NPY5R: variants seen among roughly 807,000 people sequenced by gnomAD.
NPY5R encodes neuropeptide Y receptor type 5.
Under a neutral mutation model 24.8 loss-of-function variants are expected in NPY5R, and 21 were observed. That is an observed-to-expected ratio of 0.85 (90% CI 0.60 to 1.22). The LOEUF (loss-of-function observed/expected upper bound fraction) is 1.22, where lower values mean the gene tolerates loss of function less well. Among genes scored for constraint, NPY5R ranks in the 50% most tolerant of loss-of-function variants. The probability of loss-of-function intolerance (pLI) is 0.00; values close to 1 mark genes in which losing one functional copy is unlikely to be tolerated. For synonymous variants in NPY5R, 175 were observed against 183.0 expected, an observed-to-expected ratio of 0.96 and a Z score of 0.35; for missense variants, 481 against 521.3, an observed-to-expected ratio of 0.92 and a Z score of 0.75.
At chr4:163,348,533 T>G (rs368380669) in intron 3 of NPY5R, among the ~76,000 whole-genome samples, 132 of 152,038 alleles carry the variant, frequency 8.7e-4, no homozygotes, top group Non-Finnish European at 1.4e-3. Flanking sequence ...TAGTCCCAGC[T>G]GCTTGGGAGG....
chr4:163,344,948 T>G (rs1366707071), intron 1 of NPY5R: 3 of 152,190 alleles, frequency 2.0e-5, no homozygotes, highest in African/African-American at 7.2e-5. Flanking sequence ...TCTTTCCAAT[T>G]CAAATTGTGC....
At position 163,350,340 on chromosome 4, in the gene NPY5R, C is replaced by T. The variant is rs777746508; in HGVS notation, c.67C>T (p.Arg23Trp). 1.9e-6 allele frequency: 3 copies of T among 1,610,062 alleles called. No homozygotes were observed. Among genetic ancestry groups the T allele is most frequent in the Admixed American group, 1.7e-5 (1 of 59,794 alleles). ...CACAGAGAATAATACTGCTGCCACTCGGAATTCTGATTTCCCAGTCTGGGA... is the reference window on the plus strand; with the variant it reads ...CACAGAGAATAATACTGCTGCCACTTGGAATTCTGATTTCCCAGTCTGGGA... The part of the protein sequence containing the change: ...LATENNTAAT[R>W]NSDFPVWDDY... Residue 23 changes from arginine to tryptophan, a missense_variant, in exon 4 of 4, where the codon CGG becomes TGG. Arg to Trp is a moderately radical substitution (Grantham distance 101). Transcript: ENST00000338566.
chr4:163,344,728 A>G (rs1475812179), intron 1 of NPY5R: 2 of 152,268 alleles, frequency 1.3e-5, no homozygotes, highest in Non-Finnish European at 2.9e-5. Flanking sequence ...TTAATCTTTT[A>G]AAGGAACTGA....
intron 1 of NPY5R, 120 bp from the exon 2 acceptor site, chr4:163,345,594 T>G (rs540304233): frequency 6.6e-6 from 1 of 152,316 alleles, no homozygotes; most frequent in Admixed American, 6.5e-5. Context: ...TATTTCATAA[T>G]TTATATAGCA....
In NPY5R at chr4:163,351,220, T is replaced by C. The variant is rs768469643; in HGVS notation, c.947T>C (p.Phe316Ser). Residue 316 changes from phenylalanine to serine, a missense_variant, in exon 4 of 4, where the codon TTT becomes TCT. Transcript: ENST00000338566. ...ENHSRILPEN[F>S]GSVRSQLSSS... ...CACTCCAGAATACTTCCAGAAAACTTTGGCTCTGTAAGAAGTCAGCTCTCT... is the reference window on the plus strand; with the variant it reads ...CACTCCAGAATACTTCCAGAAAACTCTGGCTCTGTAAGAAGTCAGCTCTCT... 6.2e-7 allele frequency: 1 copy of C among 1,614,134 alleles called. No homozygotes were observed. Among genetic ancestry groups the C allele is most frequent in the South Asian group, 1.1e-5 (1 of 91,080 alleles).
rs1230408513 is a variant in NPY5R at position 163,350,393 on chromosome 4, A to G, written c.120A>G (p.Leu40=). Residue 40 remains leucine (L), a synonymous_variant, in exon 4 of 4, where the codon TTA becomes TTG. Coordinates refer to ENST00000338566, the MANE Select transcript of NPY5R (RefSeq NM_006174.4). ...ACTATAAAAGCAGTGTAGATGACTT[A>G]CAGTATTTTCTGATTGGGCTCTATA... The part of the protein sequence containing the change: ...WDDYKSSVDD[L]QYFLIGLYTF... 6.2e-7 allele frequency: 1 copy of G among 1,613,286 alleles called. No individual in the cohort carries two copies. Among genetic ancestry groups the G allele is most frequent in the East Asian group, 2.2e-5 (1 of 44,854 alleles).
In NPY5R at chr4:163,350,670, A is replaced by G; in HGVS notation, c.397A>G (p.Ile133Val). The change falls in exon 4 of 4, where the codon ATA (isoleucine) becomes GTA (valine). Residue 133 changes from isoleucine (I) to valine (V), a missense_variant. Physicochemically the swap from Ile to Val is conservative, Grantham distance 29 (BLOSUM62 3). Transcript: ENST00000338566. ...VSVLVSTLIL[I>V]SIAIVRYHMI... is the part of the protein sequence containing the mutation. Reference sequence around the variant, plus strand: ...AGTTTTGGTTTCAACTTTAATTTTAATATCAATTGCCATTGTCAGGTATCA... The same window carrying G: ...AGTTTTGGTTTCAACTTTAATTTTAGTATCAATTGCCATTGTCAGGTATCA... 6.2e-7 allele frequency: 1 copy of G among 1,614,034 alleles called. No homozygotes were observed. Among genetic ancestry groups the G allele is most frequent in the Non-Finnish European group, 8.5e-7 (1 of 1,179,978 alleles).
In NPY5R at chr4:163,350,434, T is replaced by C. The variant is rs1408761353; in HGVS notation, c.161T>C (p.Leu54Pro). The C allele has an allele frequency of 1.2e-6, 2 of 1,614,052 alleles. No homozygotes were observed. The highest frequency in any genetic ancestry group is 1.1e-5 in the South Asian group (1 of 91,078). The change falls in exon 4 of 4, where the codon CTT becomes CCT. Residue 54 changes from leucine to proline, a missense_variant. Coordinates refer to ENST00000338566, the MANE Select transcript of NPY5R (RefSeq NM_006174.4). ...GGGCTCTATACATTTGTAAGTCTTC[T>C]TGGCTTTATGGGGAATCTACTTATT... ...LIGLYTFVSL[L>P]GFMGNLLILM...
chr4:163,346,348 C>A (rs1246418466), intron 2 of NPY5R, among the ~76,000 whole-genome samples: 1 of 152,290 alleles, frequency 6.6e-6, no homozygotes, highest in Middle Eastern at 3.4e-3. Flanking sequence ...CCTTTTATAT[C>A]TCAGCAATCT....
chr4:163,345,959 C>G (rs994848362), intron 2 of NPY5R, among the ~76,000 whole-genome samples: 1 of 105,170 alleles, frequency 9.5e-6, no homozygotes, highest in Admixed American at 1.5e-4. Context: ...CCAGCATTTG[C>G]AATATTCATT....
intron 3 of NPY5R, among the ~76,000 whole-genome samples, chr4:163,349,116 G>C (rs1735374002): frequency 6.6e-6 from 1 of 152,148 alleles, no homozygotes; most frequent in African/African-American, 2.4e-5. Context: ...CGTCCACACA[G>C]TCAACAGTAG....
In NPY5R at chr4:163,350,235, TGCTGACAAATGTC is replaced by T. The variant is rs1189799198; in HGVS notation, c.-9-29_-9-17del. On this transcript the variant is annotated splice_polypyrimidine_tract_variant and intron_variant, in intron 3 of 3. Coordinates refer to ENST00000338566, the MANE Select transcript of NPY5R (RefSeq NM_006174.4). ...AGTAGTCATGTAATGTTTTTTTGGT[TGCTGACAAATGTC>T]TTTTTATTCCAAGCAGGACTATAAT... 1 of 1,501,750 alleles carries T rather than the reference TGCTGACAAATGTC, an allele frequency of 6.7e-7. No individual in the cohort carries two copies. The allele number at this position is 1,501,750 out of a possible 1,614,324, so 93.0% of individuals were successfully genotyped here. A position where few individuals can be genotyped will look rare whatever the true frequency, so the allele number is the denominator to read the frequency against.
At position 163,351,524 on chromosome 4, in the gene NPY5R, C is replaced by T; in HGVS notation, c.1251C>T (p.Ser417=). 1 of 1,612,508 alleles carries T rather than the reference C, an allele frequency of 6.2e-7. No individual in the cohort carries two copies. The highest frequency in any genetic ancestry group is 8.5e-7 in the Non-Finnish European group (1 of 1,178,614). Residue 417 remains serine, a synonymous_variant, in exon 4 of 4, where the codon TCC becomes TCT. Transcript: ENST00000338566. Reference sequence around the variant, plus strand: ...TTTGTCATTTGTTGGGCATGATGTCCTGTTGTCTTAATCCAATTCTATATG... The same window carrying T: ...TTTGTCATTTGTTGGGCATGATGTCTTGTTGTCTTAATCCAATTCTATATG... ...YCICHLLGMM[S]CCLNPILYGF...
chr4:163,344,464 C>T (rs1735126542), intron 1 of NPY5R: 1 of 152,146 alleles, frequency 6.6e-6, no homozygotes, highest in Non-Finnish European at 1.5e-5. Flanking sequence ...CAGCAGCCCG[C>T]GGGGTGCCCG....
At chr4:163,346,659 T>C (rs9998448) in intron 2 of NPY5R, among the ~76,000 whole-genome samples, 1 of 152,222 alleles carries the variant, frequency 6.6e-6, no homozygotes, top group African/African-American at 2.4e-5. Context: ...ATACTCAAGA[T>C]GGCATTTATT....
At chr4:163,344,424 T>G (rs917842010) in intron 1 of NPY5R, 2 of 152,194 alleles carry the variant, frequency 1.3e-5, no homozygotes, top group African/African-American at 4.8e-5. Flanking sequence ...GCGCTCTGGC[T>G]GCAGCCCGGC....
intron 3 of NPY5R, among the ~76,000 whole-genome samples, chr4:163,348,265 GTATT>G (rs1735333204): frequency 6.6e-6 from 1 of 152,122 alleles, no homozygotes; most frequent in South Asian, 2.1e-4. Flanking sequence ...CTACGACAAT[GTATT>G]TATTGGAATT....
At position 163,350,775 on chromosome 4, in the gene NPY5R, T is replaced by G. The variant is rs1375306670; in HGVS notation, c.502T>G (p.Phe168Val). ...FLIATVWTLGFAICSPLPVFH... is the reference protein window; with the variant it reads ...FLIATVWTLGVAICSPLPVFH... ...GATAGCTACTGTCTGGACACTAGGT[T>G]TTGCCATCTGTTCTCCCCTTCCAGT... Residue 168 changes from phenylalanine to valine, a missense_variant, in exon 4 of 4, where the codon TTT becomes GTT. Transcript: ENST00000338566. The G allele has an allele frequency of 6.2e-7, 1 of 1,614,090 alleles. No individual in the cohort carries two copies. Among genetic ancestry groups the G allele is most frequent in the African/African-American group, 1.3e-5 (1 of 74,938 alleles).
downstream of NPY5R, among the ~76,000 whole-genome samples, chr4:163,352,228 T>C (rs1230901048): frequency 1.3e-5 from 2 of 152,202 alleles, no homozygotes; most frequent in African/African-American, 4.8e-5. Context: ...TTAACTCCAC[T>C]GTCCTAGTAA....
Sources: allele counts gnomAD v4.1 joint callset (sites outside exome capture counted in the v4.1 genomes callset), GRCh38; gene constraint gnomAD v4.1.1; transcripts MANE v1.5; gene names NCBI Gene and HGNC (gene_info 2026-07-23, HGNC 2026-07-21).